FRAS1: variants seen among roughly 807,000 people sequenced by gnomAD.
FRAS1 encodes the protein Fraser extracellular matrix complex subunit 1.
FRAS1 carries 290 observed loss-of-function variants against 435.2 expected under a neutral mutation model. The ratio of observed to expected loss-of-function variants is 0.67; its 90% CI spans 0.61 to 0.73. FRAS1 has a LOEUF of 0.73. FRAS1 is among the 30% of genes least tolerant of loss of function. FRAS1 has a pLI of 0.00. For synonymous variants in FRAS1, 1,800 were observed against 1,851.0 expected, an observed-to-expected ratio of 0.97 and a Z score of 0.71; for missense variants, 4,860 against 5,001.5, an observed-to-expected ratio of 0.97 and a Z score of 0.85.
At chr4:78,164,042 TAA>T (rs1157648690) in intron 2 of FRAS1, among the ~76,000 whole-genome samples, 3 of 152,168 alleles carry the variant, frequency 2.0e-5, no homozygotes, top group Non-Finnish European at 4.4e-5. Context: ...TTGGGTTCAA[TAA>T]GCTGGCGATA....
chr4:78,115,628 T>G (rs1743110337), intron 2 of FRAS1, among the ~76,000 whole-genome samples: 1 of 152,192 alleles, frequency 6.6e-6, no homozygotes, highest in Non-Finnish European at 1.5e-5. Context: ...GAGGTGTTTA[T>G]AGTATTCTCT....
intron 31 of FRAS1, among the ~76,000 whole-genome samples, chr4:78,409,936 G>A (rs1733268072): frequency 6.6e-6 from 1 of 152,216 alleles, no homozygotes. Context: ...TTTCCAGAGA[G>A]CGGGTTGAGA....
rs191106610 is a variant in FRAS1 at position 78,309,746 on chromosome 4, G to A, written c.1678+1537G>A. On this transcript the variant is annotated intron_variant, in intron 15 of 73. Coordinates refer to ENST00000512123, the MANE Select transcript of FRAS1 (RefSeq NM_025074.7). Reference sequence around the variant, plus strand: ...GTGTCTTCTGTCAGCCTTTAGATGAGCTGGCTACCCCTGTGGACATTGCCA... The same window carrying A: ...GTGTCTTCTGTCAGCCTTTAGATGAACTGGCTACCCCTGTGGACATTGCCA... Among the ~76,000 whole-genome samples, 38 of 152,028 alleles carry A rather than the reference G, an allele frequency of 2.5e-4. No individual in the cohort carries two copies. In the East Asian group the frequency reaches 5.4e-3, roughly 22 times the overall value.
chr4:78,245,202 G>A (rs1039937220), intron 3 of FRAS1, 31 bp from the exon 4 acceptor site: 1 of 1,496,294 alleles, frequency 6.7e-7, no homozygotes. Context: ...TGCTGCTGCT[G>A]TTTTACTTTG....
intron 6 of FRAS1, among the ~76,000 whole-genome samples, chr4:78,259,502 C>G (rs931658804): frequency 5.9e-5 from 9 of 151,722 alleles, no homozygotes; most frequent in East Asian, 1.9e-4. Context: ...GCATAAATGT[C>G]TTCTTTTGAG....
chr4:78,493,333 T>C (rs1720419738), intron 59 of FRAS1, among the ~76,000 whole-genome samples: 1 of 152,242 alleles, frequency 6.6e-6, no homozygotes, highest in Non-Finnish European at 1.5e-5. Context: ...TAAATCTTTC[T>C]ATTATAAAGA....
At chr4:78,083,632 T>TG (rs1553917269) in intron 2 of FRAS1, among the ~76,000 whole-genome samples, 5 of 150,266 alleles carry the variant, frequency 3.3e-5, no homozygotes, top group African/African-American at 1.2e-4. Flanking sequence ...TTCTGTTTTT[T>TG]TTTTTTTTTT....
intron 15 of FRAS1, among the ~76,000 whole-genome samples, chr4:78,311,518 GCACC>G (rs1729022051): frequency 2.6e-5 from 4 of 152,168 alleles, no homozygotes; most frequent in African/African-American, 9.7e-5. Flanking sequence ...TCACTAGAGA[GCACC>G]AGGGAACAGC....
At chr4:78,377,505 C>CA (rs1731819101) in intron 26 of FRAS1, among the ~76,000 whole-genome samples, 1 of 152,158 alleles carries the variant, frequency 6.6e-6, no homozygotes, top group African/African-American at 2.4e-5. Flanking sequence ...AAAGTCCAGG[C>CA]AAAAACAACT....
intron 48 of FRAS1, 64 bp from the exon 49 acceptor site, chr4:78,464,379 A>C (rs1252332578): frequency 1.3e-6 from 2 of 1,599,158 alleles, no homozygotes; most frequent in Non-Finnish European, 1.7e-6. Context: ...GAGAGCACCT[A>C]CCTTGGACTT....
intron 2 of FRAS1, among the ~76,000 whole-genome samples, chr4:78,098,276 C>CTTT (rs5859606): frequency 7.5e-6 from 1 of 132,768 alleles, no homozygotes. Context: ...TAGATCTTTT[C>CTTT]TTTTTTTTTT....
At chr4:78,413,114 C>T in intron 32 of FRAS1, 29 bp downstream of exon 32, 1 of 1,354,798 alleles carries the variant, frequency 7.4e-7, no homozygotes, top group Non-Finnish European at 1.0e-6. Flanking sequence ...TTGTGGTTTC[C>T]ACTTAGAGGA....
intron 65 of FRAS1, 146 bp downstream of exon 65, chr4:78,513,698 A>G: frequency 1.4e-6 from 1 of 713,196 alleles, no homozygotes; most frequent in Non-Finnish European, 2.4e-6. Context: ...ACACATGCAA[A>G]TGCCATCAGT....
In FRAS1 at chr4:78,057,838, C is replaced by G; in HGVS notation, c.-172C>G. On this transcript the variant is annotated 5_prime_UTR_variant, in exon 1 of 74. Coordinates refer to ENST00000512123, the MANE Select transcript of FRAS1 (RefSeq NM_025074.7). The surrounding 1 kb of genome is among the most constrained non-coding windows in gnomAD (Gnocchi z 4.2). ...GAACCCCAGCCCGCTCCGGCGCCTC[C>G]GGGCTGATGAGTGTCGCTCTCCGCC... 1.6e-6 allele frequency: 1 copy of G among 606,446 alleles called. No individual in the cohort carries two copies. The highest frequency in any genetic ancestry group is 2.9e-6 in the Non-Finnish European group (1 of 345,590). The allele number at this position is 606,446 out of a possible 1,614,324, so 37.6% of individuals were successfully genotyped here.
chr4:78,306,104 T>A (rs1728698001), intron 14 of FRAS1, among the ~76,000 whole-genome samples: 1 of 152,186 alleles, frequency 6.6e-6, no homozygotes, highest in South Asian at 2.1e-4. Flanking sequence ...AAGGATTTTA[T>A]TTCTTCTTCA....
intron 2 of FRAS1, among the ~76,000 whole-genome samples, chr4:78,195,618 G>A (rs1336763039): frequency 1.3e-5 from 2 of 152,208 alleles, no homozygotes. Context: ...ATGATCCTTG[G>A]AAAAGTGTAG....
chr4:78,429,740 G>A (rs1734139272), intron 36 of FRAS1, among the ~76,000 whole-genome samples: 1 of 152,182 alleles, frequency 6.6e-6, no homozygotes. Flanking sequence ...TAGGTATTGT[G>A]ATTTTTGTTA....
chr4:78,496,805 G>A lies in FRAS1; in HGVS notation c.8959G>A (p.Val2987Met). The A allele has an allele frequency of 6.2e-7, 1 of 1,611,880 alleles. No homozygotes were observed. The highest frequency in any genetic ancestry group is 8.5e-7 in the Non-Finnish European group (1 of 1,179,094). ...SRITFLKGDK[V>M]KNCTVYIHDD... Reference sequence around the variant, plus strand: ...ATCTGTCTTGTGCCATTGGCTCTAGGTGAAGAACTGTACGGTCTATATCCA... The same window carrying A: ...ATCTGTCTTGTGCCATTGGCTCTAGATGAAGAACTGTACGGTCTATATCCA... The change falls in exon 60 of 74, where the codon GTG becomes ATG. Residue 2987 changes from valine to methionine, a missense_variant and splice_region_variant. Val to Met is a conservative substitution (Grantham distance 21, BLOSUM62 1). Transcript: ENST00000512123.
chr4:78,266,249 C>T (rs1726350345), intron 7 of FRAS1, among the ~76,000 whole-genome samples: 1 of 152,220 alleles, frequency 6.6e-6, no homozygotes, highest in South Asian at 2.1e-4. Flanking sequence ...ATTTGCCCTT[C>T]ATCTTGTCCC....
Sources: allele counts gnomAD v4.1 joint callset (sites outside exome capture counted in the v4.1 genomes callset), GRCh38; gene constraint gnomAD v4.1.1; non-coding constraint Gnocchi (gnomAD v3.1); transcripts MANE v1.5; gene names NCBI Gene and HGNC (gene_info 2026-07-23, HGNC 2026-07-21).